Variants in GLB1L2 observed in about 807,000 individuals in gnomAD.
GLB1L2 encodes galactosidase beta 1 like 2, also known as beta-galactosidase-1-like protein 2.
GLB1L2 carries 68 observed loss-of-function variants against 84.1 expected under a neutral mutation model. That is an observed-to-expected ratio of 0.81 (90% confidence interval 0.67 to 0.99). GLB1L2 has a LOEUF of 0.99. Ranked by LOEUF, GLB1L2 falls within the 50% of genes least tolerant of loss-of-function variation. The pLI is 0.00. For synonymous variants in GLB1L2, 290 were observed against 318.0 expected (o/e 0.91, Z 0.94); for missense variants, 762 against 805.6 (o/e 0.95, Z 0.66).
chr11:134,362,609 C>T (rs532580371), intron 7 of GLB1L2, among the ~76,000 whole-genome samples: 5 of 152,350 alleles, frequency 3.3e-5, no homozygotes, highest in African/African-American at 1.2e-4. Flanking sequence ...GTCCTGGGTT[C>T]TTGCCGCAGC....
intron 1 of GLB1L2, among the ~76,000 whole-genome samples, chr11:134,342,551 C>T (rs1446880583): frequency 2.0e-5 from 3 of 152,324 alleles, no homozygotes; most frequent in Admixed American, 6.5e-5. Context: ...GCTGCAGCCT[C>T]GGCCTGCCCT....
At chr11:134,373,244 C>T (rs1436437808) in intron 15 of GLB1L2, among the ~76,000 whole-genome samples, 2 of 152,192 alleles carry the variant, frequency 1.3e-5, no homozygotes, top group African/African-American at 4.8e-5. Context: ...CACATCTCTT[C>T]CCTGTTGGAT....
At chr11:134,332,522 C>A (rs1339622805) in intron 1 of GLB1L2, among the ~76,000 whole-genome samples, 1 of 152,136 alleles carries the variant, frequency 6.6e-6, no homozygotes, top group Non-Finnish European at 1.5e-5. Context: ...CGGAGAGCTC[C>A]CTCTGCCCTT....
intron 5 of GLB1L2, 79 bp from the exon 6 acceptor site, chr11:134,356,222 C>G: frequency 9.3e-7 from 1 of 1,075,036 alleles, no homozygotes; most frequent in Non-Finnish European, 1.4e-6. Context: ...TTGCTAGTCA[C>G]TGGTGATGGG....
rs975734993 is a variant in GLB1L2, at chr11:134,373,890, G to A, written c.1595+82G>A. On this transcript the variant is annotated intron_variant, in intron 16 of 18. Coordinates refer to ENST00000535456, the MANE Select transcript of GLB1L2 (RefSeq NM_001370461.1). ...GGCCCAGGGGTCCCTGGTGCACCGT[G>A]GCCTGGCCCGCACCCAGGTGTGAAC... 3.0e-5 allele frequency: 31 copies of A among 1,047,280 alleles called. No individual in the cohort carries two copies. The African/African-American group carries it at 4.3e-4, about 15-fold the overall frequency. 64.9% of individuals were successfully genotyped at this position (1,047,280 alleles called of 1,614,324 possible).
chr11:134,372,276 C>T (rs188661366), intron 15 of GLB1L2, among the ~76,000 whole-genome samples: 111 of 152,258 alleles, frequency 7.3e-4, no homozygotes, highest in South Asian at 2.7e-3. Flanking sequence ...GAGGAGGATG[C>T]GGGACATACA....
Position 134,367,349 on chromosome 11 carries a change from C to CTT in GLB1L2, c.889+9_889+10dup, listed in dbSNP as rs757805492. ...ATATCTTGGATTCTTCTGGTGAGTG[C>CTT]TTGCGGTGACTACATCCAGAATGTG... On this transcript the variant is annotated intron_variant, in intron 9 of 18. Coordinates refer to ENST00000535456, the MANE Select transcript of GLB1L2 (RefSeq NM_001370461.1). The CTT allele has an allele frequency of 1.9e-6, 3 of 1,607,882 alleles. No homozygotes were observed. The highest frequency in any genetic ancestry group is 2.6e-6 in the Non-Finnish European group (3 of 1,174,706).
At chr11:134,348,100 G>C (rs1393926601) in intron 5 of GLB1L2, among the ~76,000 whole-genome samples, 2 of 152,136 alleles carry the variant, frequency 1.3e-5, no homozygotes, top group African/African-American at 2.4e-5. Flanking sequence ...GAACGGCATT[G>C]AGAAATTAGT....
intron 5 of GLB1L2, among the ~76,000 whole-genome samples, chr11:134,353,569 G>A (rs1943664547): frequency 1.3e-5 from 2 of 150,706 alleles, no homozygotes; most frequent in Non-Finnish European, 3.0e-5. Context: ...CCATAATATT[G>A]TCTAGGTCCT....
In GLB1L2 at chr11:134,333,694, G is replaced by A. The variant is rs139032613; in HGVS notation, c.86+1547G>A. On this transcript the variant is annotated intron_variant, in intron 1 of 18. Coordinates refer to ENST00000535456, the MANE Select transcript of GLB1L2 (RefSeq NM_001370461.1). ...GGTGGCAGGGAGCTGACCTAGCTGGGAAGACGCCTGAGCTTCTTTGAGGTG... is the reference window on the plus strand; with the variant it reads ...GGTGGCAGGGAGCTGACCTAGCTGGAAAGACGCCTGAGCTTCTTTGAGGTG... 5.7e-3 allele frequency among the ~76,000 whole-genome samples: 869 copies of A among 152,318 alleles called. 3 individuals carry two copies. Among genetic ancestry groups the A allele is most frequent in the Middle Eastern group, 0.01 (3 of 294 alleles).
intron 5 of GLB1L2, among the ~76,000 whole-genome samples, chr11:134,351,680 G>T (rs924001598): frequency 6.6e-6 from 1 of 152,070 alleles, no homozygotes; most frequent in Admixed American, 6.6e-5. Flanking sequence ...AATCATCCTC[G>T]CATTACAGGA....
chr11:134,358,321 G>A (rs1373294263), intron 6 of GLB1L2, among the ~76,000 whole-genome samples: 2 of 152,228 alleles, frequency 1.3e-5, no homozygotes, highest in African/African-American at 4.8e-5. Context: ...TTGACTTCAC[G>A]CCTCCGAGGC....
intron 5 of GLB1L2, among the ~76,000 whole-genome samples, chr11:134,349,740 G>A (rs1436119346): frequency 2.0e-5 from 3 of 152,140 alleles, no homozygotes; most frequent in Non-Finnish European, 4.4e-5. Context: ...TGGAAGAAAT[G>A]TTTATTCAAG....
intron 1 of GLB1L2, among the ~76,000 whole-genome samples, chr11:134,337,946 G>A (rs1943410785): frequency 6.6e-6 from 1 of 152,212 alleles, no homozygotes; most frequent in Non-Finnish European, 1.5e-5. Flanking sequence ...ATGTGAACAC[G>A]TTATGTTATA....
chr11:134,372,491 T>C (rs1943969891), intron 15 of GLB1L2: 1 of 151,956 alleles, frequency 6.6e-6, no homozygotes, highest in Non-Finnish European at 1.5e-5. Context: ...TTCATGCCAT[T>C]CTCCTGCCTC....
chr11:134,360,666 T>A (rs893960925), intron 7 of GLB1L2: 1 of 152,098 alleles, frequency 6.6e-6, no homozygotes, highest in Non-Finnish European at 1.5e-5. Flanking sequence ...ACTTCTTTTT[T>A]TTTTTTTTAA....
chr11:134,345,636 A>G (rs2136267732), intron 4 of GLB1L2, among the ~76,000 whole-genome samples: 1 of 152,026 alleles, frequency 6.6e-6, no homozygotes, highest in South Asian at 2.1e-4. Context: ...ACGCGCAGCT[A>G]ATTTTTGTAT....
Position 134,334,420 on chromosome 11 carries a change from C to A in GLB1L2, c.86+2273C>A, listed in dbSNP as rs956920194. ...CATCATATCAAAAGACTAGGATGAC[C>A]AGGTTGACTTTTGGGGAGGATTTCA... On this transcript the variant is annotated intron_variant, in intron 1 of 18. Coordinates refer to ENST00000535456, the MANE Select transcript of GLB1L2 (RefSeq NM_001370461.1). The surrounding 1 kb of genome is among the most constrained non-coding windows in gnomAD (Gnocchi z 4.1). 6.6e-6 allele frequency among the ~76,000 whole-genome samples: 1 copy of A among 152,014 alleles called. No homozygotes were observed. The highest frequency in any genetic ancestry group is 2.4e-5 in the African/African-American group (1 of 41,372).
chr11:134,373,592 C>A (rs967758105), intron 15 of GLB1L2, 129 bp from the exon 16 acceptor site: 3 of 673,044 alleles, frequency 4.5e-6, no homozygotes, highest in Non-Finnish European at 8.0e-6. Context: ...CCCCTCACCC[C>A]AGCTTCTCAG....
Sources: gnomAD v4.1 joint callset for allele counts (sites outside exome capture counted in the v4.1 genomes callset) on GRCh38, gnomAD v4.1.1 for gene constraint, Gnocchi (gnomAD v3.1) non-coding constraint, MANE v1.5 for transcripts, NCBI Gene and HGNC (gene_info 2026-07-23, HGNC 2026-07-21) for gene names.